MYO16: variants seen among roughly 807,000 people sequenced by gnomAD.
MYO16 encodes the protein unconventional myosin-XVI.
A neutral mutation model predicts 205.3 loss-of-function variants in MYO16; 94 were observed. The observed-to-expected ratio is 0.46, with a 90% confidence interval of 0.39 to 0.54. MYO16 has a LOEUF of 0.54. Ranked by LOEUF, MYO16 falls within the 20% of genes least tolerant of loss-of-function variation. The pLI, the probability that MYO16 is intolerant of heterozygous loss-of-function variation, is 0.00. For synonymous variants in MYO16, 988 were observed against 954.0 expected, an observed-to-expected ratio of 1.04 and a Z score of -0.66; for missense variants, 2,315 against 2,387.5, an observed-to-expected ratio of 0.97 and a Z score of 0.63.
chr13:108,674,006 C>G (rs1926495), intron 2 of MYO16, among the ~76,000 whole-genome samples: 8,741 of 152,178 alleles, frequency 0.057, 601 homozygotes, highest in East Asian at 0.15. Flanking sequence ...TATCAACTGT[C>G]TGCGTGTCAT....
At chr13:108,726,649 T>C (rs977692506) in intron 3 of MYO16, among the ~76,000 whole-genome samples, 4 of 152,058 alleles carry the variant, frequency 2.6e-5, no homozygotes, top group African/African-American at 9.7e-5. Context: ...TCTGGGACTT[T>C]TCAAAATTGA....
chr13:109,075,703 T>A (rs1372706242), intron 27 of MYO16, among the ~76,000 whole-genome samples: 1 of 152,110 alleles, frequency 6.6e-6, no homozygotes, highest in Non-Finnish European at 1.5e-5. Flanking sequence ...TTATTTGCCA[T>A]CCTTACATCT....
At position 108,830,555 on chromosome 13, in the gene MYO16, A is replaced by T. The variant is rs371501322; in HGVS notation, c.1097+7277A>T. On this transcript the variant is annotated intron_variant, in intron 9 of 34. Coordinates refer to ENST00000457511, the MANE Select transcript of MYO16 (RefSeq NM_001198950.3). ...TATTCTCACTCATAGGTGGGAATTG[A>T]ACAATGAGAACACATGGACACAGGA... 4.1e-4 allele frequency among the ~76,000 whole-genome samples: 61 copies of T among 147,538 alleles called. 4 individuals carry two copies. The East Asian group carries it at 8.0e-3, about 19-fold the overall frequency.
chr13:108,548,566 G>C, the MYO16 span, among the ~76,000 whole-genome samples: 18 of 151,200 alleles, frequency 1.2e-4, no homozygotes, highest in Admixed American at 2.6e-4. Context: ...TAGGGTTGAG[G>C]AGGATAATAA....
chr13:108,783,515 T>C (rs1886369004), intron 4 of MYO16, among the ~76,000 whole-genome samples: 1 of 152,140 alleles, frequency 6.6e-6, no homozygotes, highest in Non-Finnish European at 1.5e-5. Context: ...GAGTTAAGAC[T>C]TTGGGGGACT....
In MYO16 at chr13:108,723,508, C is replaced by A. The variant is rs570760865; in HGVS notation, c.364-3932C>A. ...TTATGAGTAATATTTTTATATAGGA[C>A]AAAATATAGGTCAAAAGTATTTTTA... On this transcript the variant is annotated intron_variant, in intron 3 of 34. Transcript: ENST00000457511. 1.6e-3 allele frequency among the ~76,000 whole-genome samples: 236 copies of A among 152,080 alleles called. 1 individual carries two copies. Among genetic ancestry groups the A allele is most frequent in the Non-Finnish European group, 2.2e-3 (150 of 67,968 alleles).
chr13:108,935,881 A>C (rs1212448925), intron 16 of MYO16, among the ~76,000 whole-genome samples: 1 of 151,474 alleles, frequency 6.6e-6, no homozygotes, highest in Non-Finnish European at 1.5e-5. Context: ...ACATCTATTG[A>C]GATGATTATG....
chr13:109,055,277 AGTAAATG>A lies in MYO16; in HGVS notation c.3130-112_3130-106del. ...CACACACACACACACACACACACAG[AGTAAATG>A]CATAATGAGATTTAAAGACGTAAAG... On this transcript the variant is annotated intron_variant, in intron 26 of 34. Coordinates refer to ENST00000457511, the MANE Select transcript of MYO16 (RefSeq NM_001198950.3). The surrounding 1 kb of genome is among the most constrained non-coding windows in gnomAD (Gnocchi z 5.0). The A allele has an allele frequency of 4.7e-5, 46 of 980,942 alleles. No homozygotes were observed. The highest frequency in any genetic ancestry group is 6.5e-5 in the Non-Finnish European group (43 of 660,150). The allele number at this position is 980,942 out of a possible 1,614,324, so 60.8% of individuals were successfully genotyped here.
At chr13:109,164,583 A>G (rs1241328521) in intron 32 of MYO16, among the ~76,000 whole-genome samples, 1 of 152,238 alleles carries the variant, frequency 6.6e-6, no homozygotes, top group Non-Finnish European at 1.5e-5. Context: ...AAAACTCCTG[A>G]AACATGAACT....
intron 21 of MYO16, among the ~76,000 whole-genome samples, chr13:108,997,155 G>A (rs1035403083): frequency 6.6e-6 from 1 of 151,720 alleles, no homozygotes; most frequent in African/African-American, 2.4e-5. Context: ...CCCACACATG[G>A]TGGCACATGC....
At chr13:108,939,412 T>A (rs1237807767) in intron 16 of MYO16, among the ~76,000 whole-genome samples, 1 of 152,200 alleles carries the variant, frequency 6.6e-6, no homozygotes, top group East Asian at 1.9e-4. Context: ...CTTTTATTAG[T>A]CACATGCCAT....
At chr13:108,869,605 T>C (rs867417632) in intron 12 of MYO16, among the ~76,000 whole-genome samples, 323 of 147,216 alleles carry the variant, frequency 2.2e-3, no homozygotes, top group Middle Eastern at 7.2e-3. Context: ...GTGGCGGGCG[T>C]CTGTAGTCCC....
chr13:108,498,146 A>G, the MYO16 span, among the ~76,000 whole-genome samples: 1 of 152,180 alleles, frequency 6.6e-6, no homozygotes, highest in Non-Finnish European at 1.5e-5. Context: ...TCAGTTGAGC[A>G]CCTCAAAAAT....
chr13:108,593,074 C>T (rs1471067399), upstream of MYO16, among the ~76,000 whole-genome samples: 3 of 152,072 alleles, frequency 2.0e-5, no homozygotes, highest in Admixed American at 6.5e-5. Flanking sequence ...AGGAAATGAA[C>T]GCTTGCACTG....
intron 7 of MYO16, among the ~76,000 whole-genome samples, chr13:108,819,262 A>G (rs1423944868): frequency 6.6e-6 from 1 of 152,196 alleles, no homozygotes; most frequent in East Asian, 1.9e-4. Context: ...TATTTGTACA[A>G]TACTATTCCA....
At chr13:108,597,717 G>T (rs1275724253) in intron 1 of MYO16, among the ~76,000 whole-genome samples, 1 of 152,082 alleles carries the variant, frequency 6.6e-6, no homozygotes, top group Non-Finnish European at 1.5e-5. Context: ...GTTTGCTTTT[G>T]ATCAGCTTGA....
At position 108,729,292 on chromosome 13, in the gene MYO16, C is replaced by T. The variant is rs1054923702; in HGVS notation, c.507+1709C>T. Among the ~76,000 whole-genome samples the T allele has an allele frequency of 8.5e-5, 13 of 152,174 alleles. No homozygotes were observed. The South Asian group carries it at 1.5e-3, about 17-fold the overall frequency. On this transcript the variant is annotated intron_variant, in intron 4 of 34. Coordinates refer to ENST00000457511, the MANE Select transcript of MYO16 (RefSeq NM_001198950.3). ...AATATATTACAGAAAGGAACCAAAT[C>T]GCCTTTCGAGTAATGCTGTGACCTG...
chr13:108,737,316 A>G (rs1015210746), intron 4 of MYO16, among the ~76,000 whole-genome samples: 1 of 152,190 alleles, frequency 6.6e-6, no homozygotes, highest in Non-Finnish European at 1.5e-5. Flanking sequence ...CATCCCATCA[A>G]TACCTAATTT....
chr13:108,634,127 C>G (rs1036935632), intron 1 of MYO16, among the ~76,000 whole-genome samples: 2 of 152,168 alleles, frequency 1.3e-5, no homozygotes, highest in Admixed American at 6.5e-5. Flanking sequence ...GATCAAACAT[C>G]TCACCCAGGC....
Sources: allele counts gnomAD v4.1 joint callset (sites outside exome capture counted in the v4.1 genomes callset), GRCh38; gene constraint gnomAD v4.1.1; non-coding constraint Gnocchi (gnomAD v3.1); transcripts MANE v1.5; gene names NCBI Gene and HGNC (gene_info 2026-07-23, HGNC 2026-07-21).